Variants in CADM2 observed in about 807,000 individuals in gnomAD.
CADM2 encodes the protein immunoglobulin superfamily member 4D.
In CADM2, 12 loss-of-function variants were observed where a neutral mutation model predicts 49.8. The ratio of observed to expected loss-of-function variants is 0.24; its 90% CI spans 0.15 to 0.39. The LOEUF is 0.39. Ranked by LOEUF, CADM2 falls within the 10% of genes least tolerant of loss-of-function variation. CADM2 has a pLI of 1.00. For missense variants in CADM2, 378 were observed against 492.3 expected (o/e 0.77, Z 2.20); for synonymous variants, 214 against 175.4 (o/e 1.22, Z -1.74).
At chr3:85,268,399 A>G (rs1273140316) in intron 1 of CADM2, among the ~76,000 whole-genome samples, 8 of 151,514 alleles carry the variant, frequency 5.3e-5, no homozygotes, top group Non-Finnish European at 1.2e-4. Context: ...TAAATTGATT[A>G]AAGGATGACT....
intron 1 of CADM2, among the ~76,000 whole-genome samples, chr3:85,631,275 C>T (rs1274956662): frequency 6.6e-6 from 1 of 151,946 alleles, no homozygotes; most frequent in East Asian, 1.9e-4. Flanking sequence ...CAGCTGCTGT[C>T]CTAAGTGCTG....
intron 2 of CADM2, among the ~76,000 whole-genome samples, chr3:85,751,699 G>A (rs1338739617): frequency 6.6e-6 from 1 of 152,146 alleles, no homozygotes; most frequent in African/African-American, 2.4e-5. Context: ...GTCTTCACCA[G>A]ACAGTCAGTT....
At chr3:85,863,354 T>G (rs957327142) in intron 3 of CADM2, among the ~76,000 whole-genome samples, 1 of 151,960 alleles carries the variant, frequency 6.6e-6, no homozygotes, top group Non-Finnish European at 1.5e-5. Context: ...CTTTAAGAGG[T>G]GATTGCCAAT....
At chr3:85,568,473 C>CTCTCTCTCTTTCTTTCTTTCTT (rs1310030589) in intron 1 of CADM2, among the ~76,000 whole-genome samples, 8 of 27,618 alleles carry the variant, frequency 2.9e-4, no homozygotes, top group Admixed American at 7.7e-4. Flanking sequence ...CTCTTTCTCT[C>CTCTCTCTCTTTCTTTCTTTCTT]TCTTTCTTTC....
At chr3:85,044,358 C>T (rs1374769492) in intron 1 of CADM2, among the ~76,000 whole-genome samples, 2 of 152,116 alleles carry the variant, frequency 1.3e-5, no homozygotes, top group African/African-American at 4.8e-5. Flanking sequence ...ATTTAAAATG[C>T]AATCCTCAAA....
chr3:85,994,121 T>C (rs1729091188), intron 8 of CADM2: 2 of 152,264 alleles, frequency 1.3e-5, no homozygotes, highest in African/African-American at 2.4e-5. Flanking sequence ...TTCATCTACA[T>C]TTAAATGCTG....
intron 5 of CADM2, among the ~76,000 whole-genome samples, chr3:85,887,078 TTATC>T (rs1198749816): frequency 6.6e-6 from 1 of 152,132 alleles, no homozygotes; most frequent in African/African-American, 2.4e-5. Context: ...AAAATGTTAT[TTATC>T]TATTTATTTT....
chr3:85,533,012 G>A (rs2061350127), intron 1 of CADM2, among the ~76,000 whole-genome samples: 1 of 152,166 alleles, frequency 6.6e-6, no homozygotes, highest in Non-Finnish European at 1.5e-5. Flanking sequence ...AGGGTGGGAG[G>A]TGGGAGGAGG....
chr3:85,418,754 C>G (rs917209183), intron 1 of CADM2, among the ~76,000 whole-genome samples: 2 of 152,058 alleles, frequency 1.3e-5, no homozygotes, highest in Admixed American at 6.6e-5. Context: ...ATACTTCACT[C>G]TCATTTCCTT....
At chr3:85,835,586 T>C (rs1415734349) in intron 3 of CADM2, among the ~76,000 whole-genome samples, 5 of 150,912 alleles carry the variant, frequency 3.3e-5, no homozygotes, top group Admixed American at 1.3e-4. Context: ...TTTTTGGTGT[T>C]TTTCCTAAAG....
At chr3:85,782,118 G>C (rs540957620) in intron 2 of CADM2, among the ~76,000 whole-genome samples, 1 of 152,250 alleles carries the variant, frequency 6.6e-6, no homozygotes, top group South Asian at 2.1e-4. Flanking sequence ...CATTCTTAAT[G>C]CTGACTTTAT....
chr3:85,912,315 A>G, intron 5 of CADM2, 58 bp from the exon 6 acceptor site: 3 of 1,309,554 alleles, frequency 2.3e-6, no homozygotes, highest in Non-Finnish European at 3.1e-6. Flanking sequence ...TCTTGAGTAA[A>G]TGCAATCTGT....
At chr3:85,848,280 G>T (rs1469935742) in intron 3 of CADM2, among the ~76,000 whole-genome samples, 1 of 151,908 alleles carries the variant, frequency 6.6e-6, no homozygotes, top group Admixed American at 6.6e-5. Flanking sequence ...CTCAGTATTG[G>T]ATTCATCATA....
intron 1 of CADM2, among the ~76,000 whole-genome samples, chr3:85,337,127 A>G (rs2045111246): frequency 6.8e-6 from 1 of 148,134 alleles, no homozygotes; most frequent in Non-Finnish European, 1.5e-5. Flanking sequence ...CTCATCCCCA[A>G]CCTTATGCTG....
intron 8 of CADM2, among the ~76,000 whole-genome samples, chr3:85,978,419 C>T (rs913635371): frequency 6.6e-6 from 1 of 151,686 alleles, no homozygotes; most frequent in Non-Finnish European, 1.5e-5. Flanking sequence ...TCAGTAACCC[C>T]TCCTAGGTAT....
chr3:85,412,198 T>C (rs1020703245), intron 1 of CADM2, among the ~76,000 whole-genome samples: 1 of 152,200 alleles, frequency 6.6e-6, no homozygotes, highest in African/African-American at 2.4e-5. Flanking sequence ...TTATTGGAAA[T>C]GTGGATCATG....
chr3:86,042,881 A>G (rs1243494886), intron 8 of CADM2, among the ~76,000 whole-genome samples: 1 of 152,196 alleles, frequency 6.6e-6, no homozygotes, highest in African/African-American at 2.4e-5. Context: ...CTTATCCAGC[A>G]TGATCAAGTG....
intron 1 of CADM2, among the ~76,000 whole-genome samples, chr3:85,405,711 A>C (rs904538818): frequency 1.3e-5 from 2 of 151,864 alleles, no homozygotes; most frequent in Admixed American, 1.3e-4. Flanking sequence ...TTTTTTTTTA[A>C]ATTTTAATTT....
chr3:85,249,699 A>G (rs1244821006), intron 1 of CADM2, among the ~76,000 whole-genome samples: 2 of 151,974 alleles, frequency 1.3e-5, no homozygotes, highest in Non-Finnish European at 2.9e-5. Context: ...CAATAAGACC[A>G]TAAGACCACA....
Sources: allele counts gnomAD v4.1 joint callset (sites outside exome capture counted in the v4.1 genomes callset), GRCh38; gene constraint gnomAD v4.1.1; transcripts MANE v1.5; gene names NCBI Gene and HGNC (gene_info 2026-07-23, HGNC 2026-07-21).